Variants in TBCD observed in about 807,000 individuals in gnomAD.
The protein encoded by TBCD is tubulin folding cofactor D.
Under a neutral mutation model 169.3 loss-of-function variants are expected in TBCD, and 105 were observed. That is an observed-to-expected ratio of 0.62 (90% CI 0.53 to 0.73). The LOEUF (loss-of-function observed/expected upper bound fraction) is 0.73, where lower values mean the gene tolerates loss of function less well. TBCD is among the 30% of genes least tolerant of loss of function. The pLI, the probability that TBCD is intolerant of heterozygous loss-of-function variation, is 0.00. For missense variants in TBCD, 1,444 were observed against 1,600.1 expected (o/e 0.90, Z 1.66); for synonymous variants, 700 against 643.9 (o/e 1.09, Z -1.32).
intron 31 of TBCD, 42 bp from the exon 32 acceptor site, chr17:82,929,320 G>A: frequency 6.2e-7 from 1 of 1,609,898 alleles, no homozygotes; most frequent in South Asian, 1.1e-5. Context: ...GCCATGGCGA[G>A]ATCATTGGCA....
intron 13 of TBCD, among the ~76,000 whole-genome samples, chr17:82,836,995 C>G (rs1191052182): frequency 1.3e-5 from 2 of 152,134 alleles, no homozygotes; most frequent in Non-Finnish European, 2.9e-5. Flanking sequence ...TATGGAGTCT[C>G]GGGCAGTGGT....
At chr17:82,908,443 G>A in intron 21 of TBCD, 1 of 454,460 alleles carries the variant, frequency 2.2e-6, no homozygotes, top group Non-Finnish European at 4.4e-6. Flanking sequence ...CAGAGGTAAA[G>A]TATGAACTAT....
chr17:82,758,385 A>G (rs868838760), intron 2 of TBCD, among the ~76,000 whole-genome samples: 14 of 30,822 alleles, frequency 4.5e-4, no homozygotes, highest in African/African-American at 1.2e-3. Flanking sequence ...AACGTCTCGG[A>G]AAAAAAAAAA....
rs2004707 is a variant in TBCD at position 82,926,256 on chromosome 17, A to G, written c.2380-144A>G. ...TCCTTCCTGGGTTGTACCAGGGGCC[A>G]TGGATGGCCGTGAGGAAGGTGGTGC... On this transcript the variant is annotated intron_variant, in intron 27 of 38. Coordinates refer to ENST00000355528, the MANE Select transcript of TBCD (RefSeq NM_005993.5). 0.11 allele frequency: 80,747 copies of G among 718,340 alleles called. 6,785 individuals carry two copies. The highest frequency in any genetic ancestry group is 0.33 in the East Asian group (11,981 of 36,474). The allele number at this position is 718,340 out of a possible 1,614,324, so 44.5% of individuals were successfully genotyped here. A position where few individuals can be genotyped will look rare whatever the true frequency, so the allele number is the denominator to read the frequency against.
chr17:82,769,715 A>T (rs577241351), intron 5 of TBCD, among the ~76,000 whole-genome samples: 1 of 152,052 alleles, frequency 6.6e-6, no homozygotes, highest in East Asian at 1.9e-4. Context: ...TGTGTCTACT[A>T]AAAATACAAA....
At chr17:82,805,438 C>A (rs764416961) in intron 9 of TBCD, among the ~76,000 whole-genome samples, 8 of 152,282 alleles carry the variant, frequency 5.3e-5, no homozygotes, top group Admixed American at 2.0e-4. Context: ...TCTGTAGGAA[C>A]TGGTGACCGG....
chr17:82,842,123 G>A (rs1285845145), intron 13 of TBCD, among the ~76,000 whole-genome samples: 1 of 152,242 alleles, frequency 6.6e-6, no homozygotes, highest in Non-Finnish European at 1.5e-5. Context: ...GGAGTGCCAG[G>A]TGTCTGCGCT....
At chr17:82,939,975 C>G (rs1168841679) in intron 37 of TBCD, among the ~76,000 whole-genome samples, 1 of 152,236 alleles carries the variant, frequency 6.6e-6, no homozygotes. Flanking sequence ...TCCACGTTTA[C>G]TTTGGCAGGC....
At chr17:82,870,194 C>G (rs1449393192) in intron 13 of TBCD, 30 bp from the exon 14 acceptor site, 4 of 1,611,548 alleles carry the variant, frequency 2.5e-6, no homozygotes, top group Non-Finnish European at 3.4e-6. Flanking sequence ...TGGTCTGCTC[C>G]TCACCGTCTT....
intron 7 of TBCD, among the ~76,000 whole-genome samples, chr17:82,795,319 C>T (rs530229006): frequency 9.2e-5 from 14 of 152,200 alleles, no homozygotes; most frequent in African/African-American, 3.4e-4. Context: ...TGAGAGAGAC[C>T]GGGGGACACG....
At chr17:82,804,906 G>T (rs1299261640) in intron 9 of TBCD, among the ~76,000 whole-genome samples, 1 of 152,212 alleles carries the variant, frequency 6.6e-6, no homozygotes, top group East Asian at 1.9e-4. Flanking sequence ...TGAGTCATTC[G>T]AAGCAGGTTG....
chr17:82,887,608 C>G (rs1214966079), intron 15 of TBCD, among the ~76,000 whole-genome samples: 1 of 152,164 alleles, frequency 6.6e-6, no homozygotes, highest in Non-Finnish European at 1.5e-5. Flanking sequence ...GTGAGTGTAA[C>G]TTCCATTTCT....
chr17:82,829,012 C>A (rs1356594639), intron 13 of TBCD, among the ~76,000 whole-genome samples: 1 of 148,080 alleles, frequency 6.8e-6, no homozygotes, highest in Non-Finnish European at 1.5e-5. Flanking sequence ...CGTGTACACA[C>A]CCCCGCAGAT....
In TBCD at chr17:82,884,202, T is replaced by C. The variant is rs779401949; in HGVS notation, c.1533T>C (p.Ser511=). The C allele has an allele frequency of 1.9e-6, 3 of 1,606,284 alleles. No individual in the cohort carries two copies. The highest frequency in any genetic ancestry group is 1.6e-4 in the Middle Eastern group (1 of 6,068). The change falls in exon 15 of 39, where the codon TCT becomes TCC. Residue 511 remains serine (S), a splice_region_variant and synonymous_variant. Transcript: ENST00000355528. This position sits in a 1 kb window ranked among gnomAD's most constrained non-coding sequence, Gnocchi z 4.2. ...DRDINCRRAA[S]AAFQENVGRQ... is the part of the protein sequence containing the mutation. ...ACATAAACTGCAGAAGAGCAGCCTC[T>C]GTAAGTTTTCTCATTTTGATATTTC...
At chr17:82,771,990 C>T (rs1286812749) in intron 5 of TBCD, among the ~76,000 whole-genome samples, 1 of 151,902 alleles carries the variant, frequency 6.6e-6, no homozygotes, top group Non-Finnish European at 1.5e-5. Context: ...AAATTAAACA[C>T]TAAAAATTAA....
intron 19 of TBCD, among the ~76,000 whole-genome samples, chr17:82,905,272 C>G (rs1019399320): frequency 2.6e-5 from 4 of 152,248 alleles, no homozygotes; most frequent in Non-Finnish European, 4.4e-5. Flanking sequence ...GTGTGTCGTC[C>G]TCCTCCATGC....
intron 18 of TBCD, among the ~76,000 whole-genome samples, chr17:82,902,745 C>T (rs533060185): frequency 3.9e-5 from 6 of 152,210 alleles, no homozygotes; most frequent in African/African-American, 1.4e-4. Context: ...CATTTTGCTT[C>T]TTTGTTGTTA....
intron 9 of TBCD, among the ~76,000 whole-genome samples, chr17:82,803,698 T>C (rs2050740715): frequency 6.6e-6 from 1 of 152,182 alleles, no homozygotes; most frequent in Non-Finnish European, 1.5e-5. Context: ...TGGCCAACAG[T>C]GGCTTTAAGT....
chr17:82,795,651 T>C, intron 7 of TBCD: 1 of 962,968 alleles, frequency 1.0e-6, no homozygotes, highest in Non-Finnish European at 1.2e-6. Flanking sequence ...AACAACGTAC[T>C]CCACAGCTGG....
Sources: gnomAD v4.1 joint callset for allele counts (sites outside exome capture counted in the v4.1 genomes callset) on GRCh38, gnomAD v4.1.1 for gene constraint, Gnocchi (gnomAD v3.1) non-coding constraint, MANE v1.5 for transcripts, NCBI Gene and HGNC (gene_info 2026-07-23, HGNC 2026-07-21) for gene names.